PHLDB2: variants seen among roughly 807,000 people sequenced by gnomAD.
PHLDB2 encodes the protein pleckstrin homology like domain family B member 2.
In PHLDB2, 71 loss-of-function variants were observed where a neutral mutation model predicts 123.6. The ratio of observed to expected loss-of-function variants is 0.57; its 90% CI spans 0.47 to 0.70. PHLDB2 has a LOEUF of 0.70. Ranked by LOEUF, PHLDB2 falls within the 30% of genes least tolerant of loss-of-function variation. PHLDB2 has a pLI of 0.00. For synonymous variants in PHLDB2, 547 were observed against 541.6 expected (o/e 1.01, Z -0.14); for missense variants, 1,446 against 1,519.5 (o/e 0.95, Z 0.80).
At position 111,922,155 on chromosome 3, in the gene PHLDB2, T is replaced by C. The variant is rs79715170; in HGVS notation, c.2001+1736T>C. Among the ~76,000 whole-genome samples, 181 of 152,372 alleles carry C rather than the reference T, an allele frequency of 1.2e-3. 2 individuals are homozygous for C. In the East Asian group the frequency reaches 0.033, roughly 27 times the overall value. On this transcript the variant is annotated intron_variant, in intron 5 of 17. Coordinates refer to ENST00000431670, the MANE Select transcript of PHLDB2 (RefSeq NM_001134438.2). ...TATGTATATCATATTGGAAAACTCG[T>C]GCAACATAGGAATTAGGTATCATGT...
intron 11 of PHLDB2, among the ~76,000 whole-genome samples, chr3:111,953,357 G>C (rs531950156): frequency 6.6e-6 from 1 of 152,256 alleles, no homozygotes; most frequent in African/African-American, 2.4e-5. Context: ...GAATGAGACA[G>C]ACTTTTGAGC....
In PHLDB2 at chr3:111,918,939, T is replaced by C. The variant is rs2068338420; in HGVS notation, c.1720-133T>C. Reference sequence around the variant, plus strand: ...CACATCAGAGCTCCAAGCGTGCAGTTGCAGGGATGCTTTTAAAATCTACAT... The same window carrying C: ...CACATCAGAGCTCCAAGCGTGCAGTCGCAGGGATGCTTTTAAAATCTACAT... On this transcript the variant is annotated intron_variant, in intron 3 of 17. Coordinates refer to ENST00000431670, the MANE Select transcript of PHLDB2 (RefSeq NM_001134438.2). 8.9e-6 allele frequency: 8 copies of C among 897,482 alleles called. No individual in the cohort carries two copies. In the East Asian group the frequency reaches 1.9e-4, roughly 22 times the overall value. The allele number at this position is 897,482 out of a possible 1,614,324, so 55.6% of individuals were successfully genotyped here.
At chr3:111,918,983 A>T (rs891620604) in intron 3 of PHLDB2, 89 bp from the exon 4 acceptor site, 34 of 1,350,790 alleles carry the variant, frequency 2.5e-5, no homozygotes, top group Non-Finnish European at 3.4e-5. Flanking sequence ...AGACTGTGAG[A>T]CCCTAGACCT....
At position 111,953,970 on chromosome 3, in the gene PHLDB2, T is replaced by C. The variant is rs1250857725; in HGVS notation, c.2813T>C (p.Val938Ala). 2 of 1,613,702 alleles carry C rather than the reference T, an allele frequency of 1.2e-6. No individual in the cohort carries two copies. The highest frequency in any genetic ancestry group is 3.3e-5 in the Admixed American group (2 of 59,946). Residue 938 changes from valine to alanine, a missense_variant, in exon 12 of 18, where the codon GTG becomes GCG. Val to Ala is a moderately conservative substitution (Grantham distance 64). Around this residue, in one of 3 missense-constraint regions of PHLDB2, gnomAD observed 594 missense variants for 646.0 expected, o/e 0.92. Transcript: ENST00000431670. ...PLGQSNSCGS[V>A]LPPSLAAMAK... is the part of the protein sequence containing the mutation. ...GGACAGAGTAACAGCTGTGGAAGTG[T>C]GCTCCCTCCCTCACTGGCAGCCATG...
intron 1 of PHLDB2, among the ~76,000 whole-genome samples, chr3:111,817,034 C>G (rs1488724913): frequency 6.6e-6 from 1 of 152,234 alleles, no homozygotes; most frequent in African/African-American, 2.4e-5. Flanking sequence ...ACATGCTCCT[C>G]CTTGTCTTTC....
At chr3:111,747,292 CTA>C (rs2059696359) in intron 1 of PHLDB2, among the ~76,000 whole-genome samples, 1 of 152,084 alleles carries the variant, frequency 6.6e-6, no homozygotes, top group South Asian at 2.1e-4. Context: ...GAGTAGGTGA[CTA>C]TGGCAAAATT....
At chr3:111,957,203 A>G (rs1014297421) in intron 12 of PHLDB2, 4 of 152,650 alleles carry the variant, frequency 2.6e-5, no homozygotes, top group Non-Finnish European at 4.4e-5. Context: ...GAATGAATGA[A>G]ATCTTTGTCC....
At chr3:111,793,596 C>T (rs896099504) in intron 1 of PHLDB2, among the ~76,000 whole-genome samples, 7 of 151,980 alleles carry the variant, frequency 4.6e-5, no homozygotes, top group Non-Finnish European at 1.0e-4. Flanking sequence ...CTCCCCATAG[C>T]CGCCACAGCT....
At chr3:111,864,178 GC>G (rs200997251) in intron 1 of PHLDB2, among the ~76,000 whole-genome samples, 1 of 151,946 alleles carries the variant, frequency 6.6e-6, no homozygotes, top group African/African-American at 2.4e-5. Flanking sequence ...TAAGGGATCT[GC>G]CCCCCCGCAG....
At chr3:111,906,407 A>T (rs1206855560) in intron 2 of PHLDB2, among the ~76,000 whole-genome samples, 5 of 152,250 alleles carry the variant, frequency 3.3e-5, no homozygotes, top group Non-Finnish European at 7.3e-5. Flanking sequence ...GGCCAGGGTC[A>T]CACAGGTAGC....
At chr3:111,945,379 C>A in intron 9 of PHLDB2, 22 bp downstream of exon 9, 1 of 1,501,604 alleles carries the variant, frequency 6.7e-7, no homozygotes, top group Non-Finnish European at 9.2e-7. Context: ...TTTTACATGT[C>A]GCTTTATGTT....
At chr3:111,876,499 CTATAT>C (rs1294290752) in intron 1 of PHLDB2, among the ~76,000 whole-genome samples, 1 of 152,044 alleles carries the variant, frequency 6.6e-6, no homozygotes, top group African/African-American at 2.4e-5. Context: ...GTATGATATA[CTATAT>C]TCTTATAATA....
chr3:111,950,372 TG>T (rs2070631779), intron 10 of PHLDB2, among the ~76,000 whole-genome samples: 1 of 152,312 alleles, frequency 6.6e-6, no homozygotes. Context: ...TATAAATTTG[TG>T]TATCTCTTTA....
Position 111,806,477 on chromosome 3 carries a change from T to C in PHLDB2, c.-48-39344T>C, listed in dbSNP as rs183128211. ...TGCCTTCTTGAATCTTTTCTTTTTT[T>C]TTCTTCTTTTTTTTTTCTTTTTTTT... On this transcript the variant is annotated intron_variant, in intron 1 of 17. Coordinates refer to the PHLDB2 transcript ENST00000393923. Among the ~76,000 whole-genome samples the C allele has an allele frequency of 3.8e-3, 583 of 151,912 alleles. 5 individuals are homozygous for C. Among genetic ancestry groups the C allele is most frequent in the African/African-American group, 0.013 (548 of 41,496 alleles).
intron 1 of PHLDB2, among the ~76,000 whole-genome samples, chr3:111,793,462 G>A (rs921891594): frequency 2.0e-5 from 3 of 151,912 alleles, no homozygotes; most frequent in Non-Finnish European, 2.9e-5. Flanking sequence ...GGGAGCCAAG[G>A]CCTGGAATTA....
chr3:111,884,707 A>G lies in PHLDB2; in HGVS notation c.630A>G (p.Lys210=). ...CTTCAAGCCCAAAGCAAGCCAGGAA[A>G]ATGAGCATTCAGGACAGCCTGGCGC... ...SMPSSPKQAR[K]MSIQDSLALQ... Residue 210 remains lysine (K), a synonymous_variant, in exon 2 of 18, where the codon AAA becomes AAG. Coordinates refer to ENST00000431670, the MANE Select transcript of PHLDB2 (RefSeq NM_001134438.2). 6.2e-7 allele frequency: 1 copy of G among 1,614,184 alleles called. No individual in the cohort carries two copies. The highest frequency in any genetic ancestry group is 1.6e-4 in the Middle Eastern group (1 of 6,062).
At chr3:111,837,869 C>T (rs186606636) in intron 1 of PHLDB2, among the ~76,000 whole-genome samples, 1 of 152,186 alleles carries the variant, frequency 6.6e-6, no homozygotes, top group Non-Finnish European at 1.5e-5. Flanking sequence ...ATGGCAAAAT[C>T]TCTTCTCTAC....
intron 1 of PHLDB2, among the ~76,000 whole-genome samples, chr3:111,767,810 T>C (rs1411063120): frequency 6.6e-6 from 1 of 152,244 alleles, no homozygotes; most frequent in Non-Finnish European, 1.5e-5. Flanking sequence ...TTGTAGATGC[T>C]ATTTCCTAAA....
chr3:111,930,337 T>C (rs2069066601), intron 5 of PHLDB2, among the ~76,000 whole-genome samples: 1 of 152,164 alleles, frequency 6.6e-6, no homozygotes, highest in African/African-American at 2.4e-5. Flanking sequence ...AAATATCATA[T>C]CAGTGTTTTC....
Sources: allele counts gnomAD v4.1 joint callset (sites outside exome capture counted in the v4.1 genomes callset), GRCh38; gene constraint gnomAD v4.1.1; regional missense constraint gnomAD v4.1.1; transcripts MANE v1.5; gene names NCBI Gene and HGNC (gene_info 2026-07-23, HGNC 2026-07-21).